TLK2: variants seen among roughly 807,000 people sequenced by gnomAD.
TLK2 encodes the protein serine/threonine-protein kinase tousled-like 2.
Under a neutral mutation model 117.3 loss-of-function variants are expected in TLK2, and 6 were observed. The observed-to-expected ratio is 0.05, with a 90% CI of 0.03 to 0.10. The LOEUF is 0.10. TLK2 is among the 10% of genes least tolerant of loss of function. TLK2 has a pLI of 1.00. For synonymous variants in TLK2, 257 were observed against 316.7 expected (o/e 0.81, Z 2.00); for missense variants, 299 against 901.2 (o/e 0.33, Z 8.56).
chr17:62,475,094 T>C (rs1366213840), upstream of TLK2, among the ~76,000 whole-genome samples: 1 of 152,176 alleles, frequency 6.6e-6, no homozygotes, highest in Admixed American at 6.6e-5. Context: ...ACCAAACGTT[T>C]TTCCATTTTG....
chr17:62,473,678 C>T (rs1220851494), intron 1 of TLK2, among the ~76,000 whole-genome samples: 1 of 152,142 alleles, frequency 6.6e-6, no homozygotes, highest in Non-Finnish European at 1.5e-5. Context: ...CTGAGAATCA[C>T]GTAGAGGTTG....
intron 7 of TLK2, among the ~76,000 whole-genome samples, chr17:62,542,837 T>G (rs1286388206): frequency 6.6e-6 from 1 of 152,214 alleles, no homozygotes; most frequent in Non-Finnish European, 1.5e-5. Flanking sequence ...AAAAAGGTAG[T>G]TTGCTTTTTT....
chr17:62,568,223 G>A (rs893795525), intron 11 of TLK2, among the ~76,000 whole-genome samples: 1 of 152,008 alleles, frequency 6.6e-6, no homozygotes, highest in African/African-American at 2.4e-5. Context: ...CTTGAGGCCA[G>A]GAGTTTGAGA....
At chr17:62,550,609 T>C (rs2078378785) in intron 7 of TLK2, 1 of 152,180 alleles carries the variant, frequency 6.6e-6, no homozygotes, top group Admixed American at 6.5e-5. Context: ...GCTGCCTATC[T>C]GATGAGGCTG....
intron 6 of TLK2, among the ~76,000 whole-genome samples, chr17:62,529,321 C>G (rs1394936234): frequency 2.0e-5 from 3 of 152,194 alleles, no homozygotes; most frequent in African/African-American, 7.2e-5. Context: ...ACTACAACCT[C>G]CGCCTCCTGG....
In TLK2 at chr17:62,612,652, A is replaced by G; in HGVS notation, c.*87A>G. 4 of 1,339,290 alleles carry G rather than the reference A, an allele frequency of 3.0e-6. No homozygotes were observed. The highest frequency in any genetic ancestry group is 4.1e-6 in the Non-Finnish European group (4 of 978,400). The allele number at this position is 1,339,290 out of a possible 1,614,324, so 83.0% of individuals were successfully genotyped here. A position where few individuals can be genotyped will look rare whatever the true frequency, so the allele number is the denominator to read the frequency against. ...CGGGTTTGGAACATAGCGAATCCGA[A>G]TGGATCTGATGAAACCTGTACCAGG... is the stretch of plus-strand genomic sequence containing the variant. On this transcript the variant is annotated 3_prime_UTR_variant, in exon 22 of 22. Transcript: ENST00000346027.
intron 17 of TLK2, among the ~76,000 whole-genome samples, chr17:62,598,815 G>T (rs1291037378): frequency 1.3e-5 from 2 of 151,924 alleles, no homozygotes; most frequent in African/African-American, 4.8e-5. Flanking sequence ...GAGCCACCGC[G>T]CCTGGCTGAA....
intron 20 of TLK2, 123 bp from the exon 21 acceptor site, chr17:62,607,918 A>C: frequency 1.3e-6 from 1 of 756,580 alleles, no homozygotes; most frequent in East Asian, 2.7e-5. Context: ...GATTGTCTCC[A>C]GAGTTCCTTG....
At chr17:62,587,502 A>C (rs2081712479) in intron 16 of TLK2, among the ~76,000 whole-genome samples, 2 of 152,176 alleles carry the variant, frequency 1.3e-5, no homozygotes, top group South Asian at 2.1e-4. Flanking sequence ...GTTGGCTTCT[A>C]GCCTGGTCCA....
At chr17:62,557,265 C>T (rs1021425022) in intron 9 of TLK2, among the ~76,000 whole-genome samples, 4 of 152,096 alleles carry the variant, frequency 2.6e-5, no homozygotes, top group African/African-American at 9.7e-5. Flanking sequence ...TTTCCCTCAT[C>T]TAATATACTT....
intron 7 of TLK2, chr17:62,550,296 T>G (rs1209928006): frequency 6.6e-6 from 1 of 152,244 alleles, no homozygotes; most frequent in Admixed American, 6.5e-5. Flanking sequence ...TCATAAACTT[T>G]TTAAAGGTTT....
chr17:62,492,941 C>T (rs540193180), intron 2 of TLK2, among the ~76,000 whole-genome samples: 18 of 151,976 alleles, frequency 1.2e-4, no homozygotes, highest in Non-Finnish European at 2.2e-4. Context: ...ACTAAAAATA[C>T]AAAAAAGTTA....
At position 62,597,421 on chromosome 17, in the gene TLK2, A is replaced by T. The variant is rs752709119; in HGVS notation, c.1550+747A>T. On this transcript the variant is annotated intron_variant, in intron 17 of 21. Transcript: ENST00000346027. ...TAACGGTTTGATAACCAGCTCACAA[A>T]ATTCTTGAAAATTTAAGTCAGCTCT... 1.3e-4 allele frequency among the ~76,000 whole-genome samples: 20 copies of T among 152,334 alleles called. No homozygotes were observed. The East Asian group carries it at 2.9e-3, about 22-fold the overall frequency.
At chr17:62,524,156 G>A (rs1380370719) in intron 5 of TLK2, 80 bp from the exon 6 acceptor site, 2 of 1,217,006 alleles carry the variant, frequency 1.6e-6, no homozygotes, top group Non-Finnish European at 2.3e-6. Context: ...AGATCTGTTT[G>A]TGTATTAATC....
intron 11 of TLK2, among the ~76,000 whole-genome samples, chr17:62,566,482 CAT>C (rs536494839): frequency 3.8e-4 from 58 of 152,240 alleles, no homozygotes; most frequent in South Asian, 3.7e-3. Context: ...GATTATTCCT[CAT>C]GTGTGTATAT....
chr17:62,546,859 CTCTTCTGGGAG>C (rs1436389990), intron 7 of TLK2, among the ~76,000 whole-genome samples: 1 of 151,996 alleles, frequency 6.6e-6, no homozygotes, highest in African/African-American at 2.4e-5. Context: ...CGCACCCGGC[CTCTTCTGGGAG>C]ATTTTCTTGA....
At chr17:62,480,071 C>T (rs2071444812) in intron 1 of TLK2, among the ~76,000 whole-genome samples, 1 of 152,248 alleles carries the variant, frequency 6.6e-6, no homozygotes, top group African/African-American at 2.4e-5. Flanking sequence ...TTTCATTCCC[C>T]TTTGCCCCAG....
At chr17:62,497,172 G>C (rs2073783975) in intron 2 of TLK2, among the ~76,000 whole-genome samples, 3 of 152,018 alleles carry the variant, frequency 2.0e-5, no homozygotes, top group Admixed American at 6.6e-5. Context: ...GCTGAAGTGA[G>C]AGGATTACCT....
At chr17:62,558,196 G>A (rs2146307329) in intron 9 of TLK2, among the ~76,000 whole-genome samples, 1 of 151,164 alleles carries the variant, frequency 6.6e-6, no homozygotes, top group Admixed American at 6.6e-5. Flanking sequence ...AGGACACAGT[G>A]TCTTGCTCTG....
Sources: gnomAD v4.1 joint callset for allele counts (sites outside exome capture counted in the v4.1 genomes callset) on GRCh38, gnomAD v4.1.1 for gene constraint, MANE v1.5 for transcripts, NCBI Gene and HGNC (gene_info 2026-07-23, HGNC 2026-07-21) for gene names.